Variants in NAT10 observed in about 807,000 individuals in gnomAD.
The protein encoded by NAT10 is RNA cytidine acetyltransferase.
In NAT10, 109 loss-of-function variants were observed where a neutral mutation model predicts 132.2. The ratio of observed to expected loss-of-function variants is 0.82; its 90% CI spans 0.71 to 0.97. The LOEUF (loss-of-function observed/expected upper bound fraction) is 0.97, where lower values mean the gene tolerates loss of function less well. Ranked by LOEUF, NAT10 falls within the 50% of genes least tolerant of loss-of-function variation. The pLI is 0.00. For missense variants in NAT10, 1,184 were observed against 1,263.4 expected, an observed-to-expected ratio of 0.94 and a Z score of 0.95; for synonymous variants, 479 against 478.0, an observed-to-expected ratio of 1.00 and a Z score of -0.03.
At chr11:34,136,583 T>A in intron 19 of NAT10, 59 bp from the exon 20 acceptor site, 1 of 1,607,334 alleles carries the variant, frequency 6.2e-7, no homozygotes, top group Non-Finnish European at 8.5e-7. Flanking sequence ...GCAGGGTGCT[T>A]GACGATGTCT....
chr11:34,108,902 G>T, intron 3 of NAT10, 69 bp downstream of exon 3: 1 of 1,392,032 alleles, frequency 7.2e-7, no homozygotes, highest in Non-Finnish European at 1.0e-6. Context: ...GCCAGGAAAT[G>T]ATTCCTTCAC....
chr11:34,109,188 T>G (rs566429812), intron 3 of NAT10, among the ~76,000 whole-genome samples: 1 of 152,134 alleles, frequency 6.6e-6, no homozygotes, highest in Non-Finnish European at 1.5e-5. Flanking sequence ...AGGGGGTATA[T>G]GCCTCATCCC....
rs2132978652 is a variant in NAT10 at position 34,139,120 on chromosome 11, A to G, written c.2212-71A>G. ...CTAAGCCTTTCTTCTCTGAGTGTTT[A>G]CCCTTCATCAATGATGGGTTATTCA... is the stretch of plus-strand genomic sequence containing the variant. On this transcript the variant is annotated intron_variant, in intron 21 of 28. Coordinates refer to ENST00000257829, the MANE Select transcript of NAT10 (RefSeq NM_024662.3). The G allele has an allele frequency of 3.7e-6, 5 of 1,364,610 alleles. No individual in the cohort carries two copies. The East Asian group carries it at 1.2e-4, about 32-fold the overall frequency. The allele number at this position is 1,364,610 out of a possible 1,614,324, so 84.5% of individuals were successfully genotyped here. A position where few individuals can be genotyped will look rare whatever the true frequency, so the allele number is the denominator to read the frequency against.
intron 11 of NAT10, among the ~76,000 whole-genome samples, chr11:34,126,540 AG>A (rs1304218007): frequency 2.6e-5 from 4 of 152,230 alleles, no homozygotes; most frequent in African/African-American, 9.6e-5. Flanking sequence ...GTAGTTTTCC[AG>A]CTTGCTTAAA....
At chr11:34,141,879 A>G in intron 26 of NAT10, 62 bp downstream of exon 26, 1 of 1,355,090 alleles carries the variant, frequency 7.4e-7, no homozygotes, top group Non-Finnish European at 1.1e-6. Flanking sequence ...TAGGCTGTGA[A>G]TTCAGACTGT....
At chr11:34,119,932 A>C (rs1590765631) in intron 8 of NAT10, among the ~76,000 whole-genome samples, 2 of 152,350 alleles carry the variant, frequency 1.3e-5, no homozygotes, top group African/African-American at 4.8e-5. Flanking sequence ...GTGTTGTACC[A>C]GTTGATGGAA....
intron 15 of NAT10, among the ~76,000 whole-genome samples, chr11:34,132,724 T>C (rs775416156): frequency 7.9e-5 from 12 of 152,220 alleles, no homozygotes; most frequent in East Asian, 1.9e-4. Context: ...AGCAGCCTCT[T>C]ATCTGTAAAA....
chr11:34,141,244 T>A, intron 25 of NAT10, 36 bp downstream of exon 25: 1 of 1,612,422 alleles, frequency 6.2e-7, no homozygotes, highest in South Asian at 1.1e-5. Flanking sequence ...TTGATGTCTC[T>A]CAAATAGTGC....
chr11:34,132,360 T>A (rs1239720430), intron 15 of NAT10, 139 bp downstream of exon 15: 1 of 736,124 alleles, frequency 1.4e-6, no homozygotes, highest in Non-Finnish European at 2.4e-6. Flanking sequence ...TCCACTGATC[T>A]TGCTGTGTGT....
At chr11:34,125,524 GA>G (rs1295279948) in intron 11 of NAT10, among the ~76,000 whole-genome samples, 1 of 152,178 alleles carries the variant, frequency 6.6e-6, no homozygotes, top group East Asian at 1.9e-4. Flanking sequence ...TCAAGATTGA[GA>G]AAAAGAAGAA....
At position 34,135,438 on chromosome 11, in the gene NAT10, T is replaced by G. The variant is rs1342772736; in HGVS notation, c.2028+147T>G. 1.1e-5 allele frequency: 7 copies of G among 657,256 alleles called. No individual in the cohort carries two copies. The East Asian group carries it at 1.3e-4, about 12-fold the overall frequency. The allele number at this position is 657,256 out of a possible 1,614,324, so 40.7% of individuals were successfully genotyped here. ...GCTTTCTCCTACCGAACACTTTAGATCCTCAGATCAGTATCATTGGGATCA... is the reference window on the plus strand; with the variant it reads ...GCTTTCTCCTACCGAACACTTTAGAGCCTCAGATCAGTATCATTGGGATCA... On this transcript the variant is annotated intron_variant, in intron 19 of 28. Coordinates refer to ENST00000257829, the MANE Select transcript of NAT10 (RefSeq NM_024662.3).
intron 8 of NAT10, among the ~76,000 whole-genome samples, chr11:34,121,599 C>A (rs1232802271): frequency 6.6e-6 from 1 of 151,932 alleles, no homozygotes; most frequent in Non-Finnish European, 1.5e-5. Context: ...TGGTGGCTCA[C>A]GCCTGTAATC....
chr11:34,109,580 C>T lies in NAT10; in HGVS notation c.200+747C>T, dbSNP rs557785339. 3.9e-5 allele frequency among the ~76,000 whole-genome samples: 6 copies of T among 152,298 alleles called. No individual in the cohort carries two copies. In the South Asian group the frequency reaches 1.0e-3, roughly 26 times the overall value. On this transcript the variant is annotated intron_variant, in intron 3 of 28. Coordinates refer to ENST00000257829, the MANE Select transcript of NAT10 (RefSeq NM_024662.3). ...TTTCAGAGCTCTGCCTCTTCTTCTA[C>T]CAGTTCACTGCTGTATTTGACAGTT...
rs1852186360 is a variant in NAT10 at position 34,135,186 on chromosome 11, C to T, written c.1923C>T (p.Gly641=). 2 of 1,614,046 alleles carry T rather than the reference C, an allele frequency of 1.2e-6. No homozygotes were observed. The highest frequency in any genetic ancestry group is 8.5e-7 in the Non-Finnish European group (1 of 1,179,936). The change falls in exon 19 of 29, where the codon GGC becomes GGT. Residue 641 remains glycine, a synonymous_variant. Transcript: ENST00000257829. The stretch of plus-strand genomic sequence containing the variant: ...ACGTTTGCTCCTAGATGGGCTATGG[C>T]AGCCGTGCTCTGCAGCTGCTGCAGA... ...VHPDYQGMGY[G]SRALQLLQMY...
At position 34,120,793 on chromosome 11, in the gene NAT10, G is replaced by A. The variant is rs11600691; in HGVS notation, c.781-1666G>A. Among the ~76,000 whole-genome samples, 1,347 of 152,352 alleles carry A rather than the reference G, an allele frequency of 8.8e-3. 6 individuals carry two copies. The highest frequency in any genetic ancestry group is 0.024 in the Middle Eastern group (7 of 294). ...TACGTACAATGGGAAGAAAGAAAAAGTTGCAAAGAGGGATAGGGCATGCCA... is the reference window on the plus strand; with the variant it reads ...TACGTACAATGGGAAGAAAGAAAAAATTGCAAAGAGGGATAGGGCATGCCA... On this transcript the variant is annotated intron_variant, in intron 8 of 28. Transcript: ENST00000257829.
intron 14 of NAT10, 100 bp from the exon 15 acceptor site, chr11:34,132,025 G>GCTC (rs888878562): frequency 4.6e-6 from 4 of 863,304 alleles, no homozygotes; most frequent in Admixed American, 1.7e-5. Flanking sequence ...AGGACACTGA[G>GCTC]CTCCTGTTCC....
At chr11:34,119,105 GGGTAATACGTACCT>G (rs1851839348) in intron 8 of NAT10, among the ~76,000 whole-genome samples, 1 of 152,224 alleles carries the variant, frequency 6.6e-6, no homozygotes, top group Non-Finnish European at 1.5e-5. Flanking sequence ...GGGCCCTCTG[GGGTAATACGTACCT>G]GGTCTTTGAG....
At chr11:34,109,763 T>C (rs1851660450) in intron 3 of NAT10, among the ~76,000 whole-genome samples, 1 of 152,146 alleles carries the variant, frequency 6.6e-6, no homozygotes, top group Non-Finnish European at 1.5e-5. Flanking sequence ...TGATCTAGAG[T>C]CACAGTACTA....
At chr11:34,141,568 C>A (rs954026286) in intron 25 of NAT10, 151 bp from the exon 26 acceptor site, 1 of 707,052 alleles carries the variant, frequency 1.4e-6, no homozygotes, top group African/African-American at 1.8e-5. Context: ...TTCAGCTCTT[C>A]CCGCTAATAT....
Sources: gnomAD v4.1 joint callset for allele counts (sites outside exome capture counted in the v4.1 genomes callset) on GRCh38, gnomAD v4.1.1 for gene constraint, MANE v1.5 for transcripts, NCBI Gene and HGNC (gene_info 2026-07-23, HGNC 2026-07-21) for gene names.